LIMA1: variants seen among roughly 807,000 people sequenced by gnomAD.
The protein encoded by LIMA1 is LIM domain and actin-binding protein 1.
In LIMA1, 52 loss-of-function variants were observed where a neutral mutation model predicts 62.6. That is an observed-to-expected ratio of 0.83 (90% CI 0.67 to 1.05). The LOEUF is 1.05. Ranked by LOEUF, LIMA1 falls within the 50% of genes least tolerant of loss-of-function variation. LIMA1 has a pLI of 0.00. For missense variants in LIMA1, 780 were observed against 902.2 expected, an observed-to-expected ratio of 0.86 and a Z score of 1.74; for synonymous variants, 302 against 317.8, an observed-to-expected ratio of 0.95 and a Z score of 0.53.
At chr12:50,225,658 T>C (rs1360819476) in intron 3 of LIMA1, among the ~76,000 whole-genome samples, 5 of 152,142 alleles carry the variant, frequency 3.3e-5, no homozygotes, top group Non-Finnish European at 7.4e-5. Flanking sequence ...TTTCCAGCAG[T>C]TCTCTTGCCT....
intron 1 of LIMA1, among the ~76,000 whole-genome samples, chr12:50,262,891 T>C (rs1942089408): frequency 6.6e-6 from 1 of 152,144 alleles, no homozygotes; most frequent in South Asian, 2.1e-4. Flanking sequence ...ACATAAAATA[T>C]TTCTTATATT....
chr12:50,274,457 G>A (rs1299061937), intron 1 of LIMA1, among the ~76,000 whole-genome samples: 2 of 152,066 alleles, frequency 1.3e-5, no homozygotes, highest in South Asian at 2.1e-4. Flanking sequence ...GGTGGCAGGT[G>A]CCTGGAGTCC....
rs1402724380 is a variant in LIMA1, at chr12:50,222,180, T to C, written c.471A>G (p.Glu157=). 1 of 1,614,218 alleles carries C rather than the reference T, an allele frequency of 6.2e-7. No homozygotes were observed. The highest frequency in any genetic ancestry group is 1.1e-5 in the South Asian group (1 of 91,078). The change falls in exon 4 of 11, where the codon GAA becomes GAG. Residue 157 remains glutamate, a synonymous_variant. Coordinates refer to ENST00000341247, the MANE Select transcript of LIMA1 (RefSeq NM_016357.5). ...CTAGACAATTTTCCATTTTTTTACT[T>C]TCTGTTGAGTGGTCTTTAAGATCCT... ...DGEDLKDHST[E]SKKMENCLGE...
At chr12:50,264,638 G>A (rs1186291624) in intron 1 of LIMA1, among the ~76,000 whole-genome samples, 4 of 152,174 alleles carry the variant, frequency 2.6e-5, no homozygotes, top group Non-Finnish European at 4.4e-5. Flanking sequence ...TCTGCCTTAC[G>A]GGGTTGTTTT....
rs577308413 is a variant in LIMA1 at position 50,241,933 on chromosome 12, ATTTTTTTTTTTTTTTTTTTT to A, written c.119+6680_119+6699del. On this transcript the variant is annotated intron_variant, in intron 2 of 10. Transcript: ENST00000341247. ...AATTTTGTTCCTCTTTCCTTCCCAG[ATTTTTTTTTTTTTTTTTTTT>A]TTTTTTTTTTTTTTTTTTTGCGGTC... is the stretch of plus-strand genomic sequence containing the variant. 1.8e-3 allele frequency among the ~76,000 whole-genome samples: 66 copies of A among 36,436 alleles called. 1 individual carries two copies. In the East Asian group the frequency reaches 0.022, roughly 12 times the overall value. The allele number at this position is 36,436 out of a possible 152,430, so 23.9% of individuals were successfully genotyped here.
At chr12:50,178,372 A>C (rs1940403459) in intron 10 of LIMA1, among the ~76,000 whole-genome samples, 1 of 151,960 alleles carries the variant, frequency 6.6e-6, no homozygotes, top group South Asian at 2.1e-4. Context: ...CATAGTGAGA[A>C]TTCATCTCTA....
intron 1 of LIMA1, among the ~76,000 whole-genome samples, chr12:50,276,529 G>C (rs1409721879): frequency 6.6e-6 from 1 of 152,136 alleles, no homozygotes; most frequent in Non-Finnish European, 1.5e-5. Flanking sequence ...ACCAATCTCT[G>C]GATGGTGAAG....
intron 1 of LIMA1, among the ~76,000 whole-genome samples, chr12:50,274,413 G>C (rs1483274961): frequency 6.6e-6 from 1 of 152,118 alleles, no homozygotes; most frequent in Non-Finnish European, 1.5e-5. Flanking sequence ...GTGAAATCCT[G>C]TCGCTACCAA....
chr12:50,192,433 A>C lies in LIMA1; in HGVS notation c.1140+19T>G. On this transcript the variant is annotated intron_variant, in intron 9 of 10. Coordinates refer to ENST00000341247, the MANE Select transcript of LIMA1 (RefSeq NM_016357.5). ...AGTAGACCAATGTCCAAAGGCTCAG[A>C]GAGAAATTGCCATCATACCTTCATT... 1 of 1,490,820 alleles carries C rather than the reference A, an allele frequency of 6.7e-7. No individual in the cohort carries two copies. Among genetic ancestry groups the C allele is most frequent in the Non-Finnish European group, 9.4e-7 (1 of 1,067,680 alleles). 92.3% of individuals were successfully genotyped at this position (1,490,820 alleles called of 1,614,324 possible).
At chr12:50,229,813 C>T (rs1941582714) in intron 3 of LIMA1, 1 of 152,246 alleles carries the variant, frequency 6.6e-6, no homozygotes. Context: ...CACCATTTGA[C>T]CTTTCTCTTC....
At chr12:50,209,943 G>A (rs952627445) in intron 4 of LIMA1, among the ~76,000 whole-genome samples, 5 of 152,150 alleles carry the variant, frequency 3.3e-5, no homozygotes, top group East Asian at 1.9e-4. Flanking sequence ...GATGACAGGC[G>A]TAAGCCACCG....
At chr12:50,236,288 A>C (rs1159165718) in intron 2 of LIMA1, among the ~76,000 whole-genome samples, 2 of 144,886 alleles carry the variant, frequency 1.4e-5, no homozygotes, top group Non-Finnish European at 3.0e-5. Context: ...AAGTAGGAAA[A>C]TATTTTTTTT....
At chr12:50,266,246 A>G (rs765275445) in intron 1 of LIMA1, among the ~76,000 whole-genome samples, 16 of 152,164 alleles carry the variant, frequency 1.1e-4, no homozygotes, top group Non-Finnish European at 2.4e-4. Flanking sequence ...AGCACTCTAC[A>G]TATGTTATCT....
chr12:50,204,636 T>TG lies in LIMA1; in HGVS notation c.779dup (p.Arg261ThrfsTer30). ...CCTTTATAGAGGTTTCTGAGAGGCG[T>TG]GGAAGTTCCAGATTTCGTCTACTCT... On this transcript the variant is annotated frameshift_variant, in exon 6 of 11. Transcript: ENST00000341247. LOFTEE classifies it high-confidence loss of function. The TG allele has an allele frequency of 6.2e-7, 1 of 1,614,182 alleles. No homozygotes were observed. The highest frequency in any genetic ancestry group is 1.1e-5 in the South Asian group (1 of 91,086).
intron 2 of LIMA1, among the ~76,000 whole-genome samples, chr12:50,238,105 T>G (rs1299665777): frequency 6.6e-6 from 1 of 152,224 alleles, no homozygotes; most frequent in Admixed American, 6.5e-5. Context: ...AATTTTTTAT[T>G]ATCTTTTGAT....
At chr12:50,186,184 C>A (rs1350214038) in intron 9 of LIMA1, 1 of 152,212 alleles carries the variant, frequency 6.6e-6, no homozygotes, top group Non-Finnish European at 1.5e-5. Flanking sequence ...ATGGCATGCT[C>A]AGACTTGGCA....
In LIMA1 at chr12:50,200,836, G is replaced by A. The variant is rs558468172; in HGVS notation, c.913C>T (p.Gln305Ter). Residue 305 changes from glutamine to a stop codon, truncating the protein, a stop_gained, in exon 7 of 11, where the codon CAA becomes TAA. Coordinates refer to ENST00000341247, the MANE Select transcript of LIMA1 (RefSeq NM_016357.5). LOFTEE classifies it high-confidence loss of function. ...GGACCTGGGGGCACATTCTCCTTTT[G>A]CTCCATTTTATGAATTTTGATTTCG... The part of the protein sequence containing the change: ...GGEIKIHKME[Q>*]KENVPPGPEV... 4 of 1,614,002 alleles carry A rather than the reference G, an allele frequency of 2.5e-6. No individual in the cohort carries two copies. In the South Asian group the frequency reaches 3.3e-5, roughly 13 times the overall value.
At chr12:50,204,424 G>T in intron 6 of LIMA1, 128 bp downstream of exon 6, 1 of 1,100,248 alleles carries the variant, frequency 9.1e-7, no homozygotes, top group Non-Finnish European at 1.2e-6. Context: ...GGGTTCATGT[G>T]AAAAGAGAAC....
chr12:50,274,753 G>C (rs756313377), intron 1 of LIMA1, among the ~76,000 whole-genome samples: 10 of 152,144 alleles, frequency 6.6e-5, no homozygotes, highest in African/African-American at 2.4e-4. Flanking sequence ...ATCAGGGAAG[G>C]CCTCATTGAG....
Sources: gnomAD v4.1 joint callset for allele counts (sites outside exome capture counted in the v4.1 genomes callset) on GRCh38, gnomAD v4.1.1 for gene constraint, MANE v1.5 for transcripts, NCBI Gene and HGNC (gene_info 2026-07-23, HGNC 2026-07-21) for gene names.